SHISA9: variants seen among roughly 807,000 people sequenced by gnomAD.
SHISA9 encodes protein shisa-9.
Under a neutral mutation model 38.0 loss-of-function variants are expected in SHISA9, and 13 were observed. That is an observed-to-expected ratio of 0.34 (90% CI 0.22 to 0.54). SHISA9 has a LOEUF of 0.54. Among genes scored for constraint, SHISA9 ranks in the 20% least tolerant of loss-of-function variants. The pLI is 0.91. For missense variants in SHISA9, 538 were observed against 575.8 expected, an observed-to-expected ratio of 0.93 and a Z score of 0.67; for synonymous variants, 275 against 242.0, an observed-to-expected ratio of 1.14 and a Z score of -1.27.
chr16:12,914,239 T>G (rs2071224706), intron 1 of SHISA9, among the ~76,000 whole-genome samples: 1 of 151,976 alleles, frequency 6.6e-6, no homozygotes, highest in South Asian at 2.1e-4. Context: ...AGAGATGGGG[T>G]TTCACCATGT....
At chr16:13,101,043 G>A (rs1373122412) in intron 2 of SHISA9, among the ~76,000 whole-genome samples, 2 of 152,138 alleles carry the variant, frequency 1.3e-5, no homozygotes, top group Admixed American at 1.3e-4. Flanking sequence ...TTCATGCAAC[G>A]TTTGTCTTTC....
At chr16:13,471,289 A>C in the SHISA9 span, among the ~76,000 whole-genome samples, 3 of 152,210 alleles carry the variant, frequency 2.0e-5, no homozygotes, top group Non-Finnish European at 4.4e-5. Context: ...TGTTGTGGTC[A>C]TCACAAGTTC....
At chr16:12,976,730 A>G (rs1005738837) in intron 2 of SHISA9, among the ~76,000 whole-genome samples, 5 of 152,098 alleles carry the variant, frequency 3.3e-5, no homozygotes, top group African/African-American at 1.2e-4. Context: ...CAAGCAGGTG[A>G]GTGTGACAGT....
intron 3 of SHISA9, among the ~76,000 whole-genome samples, chr16:13,212,065 A>G (rs538054840): frequency 2.0e-5 from 3 of 152,262 alleles, no homozygotes; most frequent in African/African-American, 7.2e-5. Flanking sequence ...TGGCGATTTG[A>G]GCATCCTTTG....
intron 2 of SHISA9, among the ~76,000 whole-genome samples, chr16:12,986,429 C>G (rs1338643131): frequency 6.6e-6 from 1 of 152,154 alleles, no homozygotes; most frequent in African/African-American, 2.4e-5. Flanking sequence ...TTTACAGCCA[C>G]AAGTATTTTG....
rs377118345 is a variant in SHISA9 at position 13,008,678 on chromosome 16, CCTCT to C, written c.691+91876_691+91879del. ...CCCTCCCTCCCTTCCTCCCTCCCTC[CCTCT>C]CTCTCTCTCTCTTTCCTGGCACCTT... On this transcript the variant is annotated intron_variant, in intron 2 of 4. Coordinates refer to ENST00000558583, the MANE Select transcript of SHISA9 (RefSeq NM_001145204.3). Among the ~76,000 whole-genome samples the C allele has an allele frequency of 5.9e-3, 738 of 125,258 alleles. 17 individuals carry two copies. Among genetic ancestry groups the C allele is most frequent in the African/African-American group, 8.0e-3 (255 of 31,764 alleles). The allele number at this position is 125,258 out of a possible 152,430, so 82.2% of individuals were successfully genotyped here.
At chr16:13,101,722 G>C (rs1002029108) in intron 2 of SHISA9, among the ~76,000 whole-genome samples, 1 of 152,158 alleles carries the variant, frequency 6.6e-6, no homozygotes, top group Non-Finnish European at 1.5e-5. Context: ...CATAGTAGCT[G>C]TACTAATTTC....
At chr16:13,365,454 C>CTTT in the SHISA9 span, among the ~76,000 whole-genome samples, 2,169 of 112,448 alleles carry the variant, frequency 0.019, 141 homozygotes, top group African/African-American at 0.065. Flanking sequence ...GAGTATACCT[C>CTTT]TTTTTTTTTT....
chr16:13,549,946 C>A, the SHISA9 span, among the ~76,000 whole-genome samples: 2 of 151,722 alleles, frequency 1.3e-5, no homozygotes, highest in African/African-American at 4.8e-5. Flanking sequence ...TCGCTTGAAC[C>A]CAGGAGGCAG....
intron 2 of SHISA9, among the ~76,000 whole-genome samples, chr16:13,175,321 C>G (rs1413391109): frequency 1.3e-5 from 2 of 152,114 alleles, no homozygotes; most frequent in Non-Finnish European, 2.9e-5. Context: ...TCCAGGAGTT[C>G]GAGGCTGCAG....
chr16:13,470,981 G>A, the SHISA9 span, among the ~76,000 whole-genome samples: 1 of 152,018 alleles, frequency 6.6e-6, no homozygotes, highest in Non-Finnish European at 1.5e-5. Context: ...AGGCAGGATA[G>A]GAGGAAAGAC....
the SHISA9 span, among the ~76,000 whole-genome samples, chr16:13,310,778 G>C: frequency 6.7e-6 from 1 of 148,872 alleles, no homozygotes; most frequent in Non-Finnish European, 1.5e-5. Context: ...CGGCCTCCCA[G>C]GTCCAAGCAA....
At chr16:13,377,884 T>G in the SHISA9 span, among the ~76,000 whole-genome samples, 4 of 149,516 alleles carry the variant, frequency 2.7e-5, no homozygotes, top group African/African-American at 7.6e-5. Context: ...AAAAAAAAAA[T>G]TAGCCAGTCG....
chr16:12,906,445 C>A (rs760868675), intron 1 of SHISA9, among the ~76,000 whole-genome samples: 4 of 151,984 alleles, frequency 2.6e-5, no homozygotes, highest in Non-Finnish European at 5.9e-5. Context: ...AGAAAGACAG[C>A]AATTCCAGGA....
At chr16:13,209,615 A>C (rs2051099042) in intron 3 of SHISA9, among the ~76,000 whole-genome samples, 1 of 152,242 alleles carries the variant, frequency 6.6e-6, no homozygotes, top group African/African-American at 2.4e-5. Flanking sequence ...CAAAAATGTA[A>C]TGTGGATTTA....
At chr16:13,206,294 A>G (rs1161411537) in intron 3 of SHISA9, among the ~76,000 whole-genome samples, 3 of 152,124 alleles carry the variant, frequency 2.0e-5, no homozygotes, top group Non-Finnish European at 2.9e-5. Context: ...CCCACAAACC[A>G]TATACTTTCT....
chr16:13,210,128 A>G (rs1456882220), intron 3 of SHISA9, among the ~76,000 whole-genome samples: 1 of 152,132 alleles, frequency 6.6e-6, no homozygotes, highest in African/African-American at 2.4e-5. Flanking sequence ...CCTAAAGCTC[A>G]CTTGGTGGTT....
chr16:13,167,955 C>A (rs2050652311), intron 2 of SHISA9, among the ~76,000 whole-genome samples: 1 of 152,178 alleles, frequency 6.6e-6, no homozygotes, highest in Admixed American at 6.5e-5. Flanking sequence ...ATTACTCTTT[C>A]CATGGCTGAT....
the SHISA9 span, among the ~76,000 whole-genome samples, chr16:13,347,072 TG>T: frequency 6.6e-6 from 1 of 152,216 alleles, no homozygotes; most frequent in African/African-American, 2.4e-5. Context: ...AAAGGAAAGT[TG>T]TATTGTGCTT....
Sources: gnomAD v4.1 joint callset for allele counts (sites outside exome capture counted in the v4.1 genomes callset) on GRCh38, gnomAD v4.1.1 for gene constraint, MANE v1.5 for transcripts, NCBI Gene and HGNC (gene_info 2026-07-23, HGNC 2026-07-21) for gene names.